The following ST3GAL3 variants were observed in gnomAD, a reference collection of about 807,000 sequenced individuals.
ST3GAL3 encodes CMP-N-acetylneuraminate-beta-1,4-galactoside alpha-2,3-sialyltransferase.
Under a neutral mutation model 50.1 loss-of-function variants are expected in ST3GAL3, and 21 were observed. The observed-to-expected ratio is 0.42, with a 90% confidence interval of 0.30 to 0.60. The LOEUF (loss-of-function observed/expected upper bound fraction) is 0.60, where lower values mean the gene tolerates loss of function less well. ST3GAL3 is among the 20% of genes least tolerant of loss of function. The pLI is 0.19. For synonymous variants in ST3GAL3, 183 were observed against 190.0 expected, an observed-to-expected ratio of 0.96 and a Z score of 0.30; for missense variants, 353 against 489.4, an observed-to-expected ratio of 0.72 and a Z score of 2.63.
chr1:43,794,108 G>GA (rs2058418387), intron 3 of ST3GAL3, among the ~76,000 whole-genome samples: 1 of 147,526 alleles, frequency 6.8e-6, no homozygotes, highest in Non-Finnish European at 1.5e-5. Context: ...AAAAAAGAAG[G>GA]AAAAAAGAGA....
At chr1:43,810,006 A>AAG (rs1290236120) in intron 3 of ST3GAL3, among the ~76,000 whole-genome samples, 1 of 151,204 alleles carries the variant, frequency 6.6e-6, no homozygotes, top group African/African-American at 2.4e-5. Flanking sequence ...AAAAAAAAAA[A>AAG]AAAGAAAGAA....
chr1:43,850,940 C>A, intron 5 of ST3GAL3: 1 of 1,087,202 alleles, frequency 9.2e-7, no homozygotes, highest in Non-Finnish European at 1.4e-6. Context: ...GCCCTCCTTT[C>A]CTGTAGAAGA....
intron 11 of ST3GAL3, among the ~76,000 whole-genome samples, chr1:43,925,989 C>T (rs1278135315): frequency 1.3e-5 from 2 of 152,110 alleles, no homozygotes; most frequent in African/African-American, 4.8e-5. Context: ...AGTGAGTAGA[C>T]GGCACCTACA....
At chr1:43,761,171 G>C (rs1363968036) in intron 2 of ST3GAL3, among the ~76,000 whole-genome samples, 1 of 152,200 alleles carries the variant, frequency 6.6e-6, no homozygotes, top group Admixed American at 6.5e-5. Context: ...AGCTTCAGCA[G>C]TTCATTTCCT....
At chr1:43,763,868 A>G (rs1205875424) in intron 2 of ST3GAL3, among the ~76,000 whole-genome samples, 1 of 152,166 alleles carries the variant, frequency 6.6e-6, no homozygotes, top group East Asian at 1.9e-4. Flanking sequence ...TATACTCCTT[A>G]CAGTGTTAAC....
chr1:43,900,092 A>G (rs938927245), intron 9 of ST3GAL3, among the ~76,000 whole-genome samples: 2 of 151,656 alleles, frequency 1.3e-5, no homozygotes, highest in East Asian at 1.9e-4. Flanking sequence ...ATCACTCCCA[A>G]TCTTTCTACT....
intron 3 of ST3GAL3, among the ~76,000 whole-genome samples, chr1:43,805,278 G>A (rs879516918): frequency 1.9e-4 from 29 of 152,296 alleles, no homozygotes; most frequent in Admixed American, 1.2e-3. Flanking sequence ...TCGTGTCGCT[G>A]AGTTTAGGGA....
At chr1:43,710,282 A>T (rs983979920) in intron 1 of ST3GAL3, among the ~76,000 whole-genome samples, 3 of 152,076 alleles carry the variant, frequency 2.0e-5, no homozygotes, top group African/African-American at 7.2e-5. Context: ...GGGTTTCACC[A>T]TGTTGGCCAG....
In ST3GAL3 at chr1:43,899,208, G is replaced by T. The variant is rs758155830; in HGVS notation, c.502G>T (p.Val168Phe). 6.2e-7 allele frequency: 1 copy of T among 1,614,212 alleles called. No homozygotes were observed. Among genetic ancestry groups the T allele is most frequent in the East Asian group, 2.2e-5 (1 of 44,878 alleles). ...RRCIIVGNGG[V>F]LANKSLGSRI... ...CTGCATCATCGTGGGCAATGGAGGC[G>T]TTCTTGCCAACAAGTCTCTGGGGTC... The change falls in exon 8 of 12, where the codon GTT (valine) becomes TTT (phenylalanine). Residue 168 changes from valine to phenylalanine, a missense_variant. By Grantham distance (50) the Val-to-Phe change is conservative (BLOSUM62 -1). Transcript: ENST00000347631. This position sits in a 1 kb window ranked among gnomAD's most constrained non-coding sequence, Gnocchi z 5.4.
rs147043040 is a variant in ST3GAL3 at position 43,829,483 on chromosome 1, T to A, written c.210-8736T>A. Among the ~76,000 whole-genome samples the A allele has an allele frequency of 9.8e-5, 15 of 152,304 alleles. 1 individual carries two copies. The East Asian group carries it at 2.9e-3, about 29-fold the overall frequency. On this transcript the variant is annotated intron_variant, in intron 4 of 11. Transcript: ENST00000347631. ...CTCATTTCTCTCTTGGACTAGTGCA[T>A]GTCATTCATCTGCATAAAAATCCTT...
intron 5 of ST3GAL3, chr1:43,839,077 G>A (rs960972050): frequency 3.3e-5 from 5 of 152,996 alleles, no homozygotes; most frequent in Admixed American, 2.0e-4. Flanking sequence ...CTCACTGGGG[G>A]AAGGACTTGC....
chr1:43,859,798 G>A (rs1402297623), intron 5 of ST3GAL3, among the ~76,000 whole-genome samples: 1 of 152,150 alleles, frequency 6.6e-6, no homozygotes, highest in Non-Finnish European at 1.5e-5. Flanking sequence ...GTCTCCACTG[G>A]CCTTGCTCCC....
At chr1:43,830,149 C>T (rs72886891) in intron 4 of ST3GAL3, among the ~76,000 whole-genome samples, 1,850 of 151,854 alleles carry the variant, frequency 0.012, 45 homozygotes, top group African/African-American at 0.043. Flanking sequence ...CTTACAACCT[C>T]AGCCTCCTGA....
chr1:43,758,720 C>T (rs1343850439), intron 2 of ST3GAL3, among the ~76,000 whole-genome samples: 1 of 151,930 alleles, frequency 6.6e-6, no homozygotes, highest in Non-Finnish European at 1.5e-5. Context: ...ATGTAAAGTG[C>T]ATAACTTAAA....
chr1:43,906,991 C>G (rs975966061), intron 9 of ST3GAL3, among the ~76,000 whole-genome samples: 1 of 152,204 alleles, frequency 6.6e-6, no homozygotes, highest in Non-Finnish European at 1.5e-5. Context: ...CACCTACCTT[C>G]CTGGTTAGAA....
At chr1:43,710,769 G>A (rs547728809) in intron 1 of ST3GAL3, among the ~76,000 whole-genome samples, 6 of 152,222 alleles carry the variant, frequency 3.9e-5, no homozygotes, top group East Asian at 3.9e-4. Context: ...CATTTGATAC[G>A]GAACTTCCTT....
Position 43,737,487 on chromosome 1 carries a change from T to C in ST3GAL3, c.118+1107T>C, listed in dbSNP as rs896965044. On this transcript the variant is annotated intron_variant, in intron 2 of 11. Coordinates refer to ENST00000347631, the MANE Select transcript of ST3GAL3 (RefSeq NM_006279.5). This position sits in a 1 kb window ranked among gnomAD's most constrained non-coding sequence, Gnocchi z 4.0. ...CCAGTTTTTAAAATATAGTGTTATA[T>C]CCTTAATTTACTGTTTTATATAGAA... 2.6e-5 allele frequency: 4 copies of C among 152,254 alleles called. No individual in the cohort carries two copies. The highest frequency in any genetic ancestry group is 4.4e-5 in the Non-Finnish European group (3 of 68,042). The allele number at this position is 152,254 out of a possible 1,614,324, so 9.4% of individuals were successfully genotyped here.
At chr1:43,878,145 C>T (rs1558692543) in intron 5 of ST3GAL3, among the ~76,000 whole-genome samples, 1 of 152,154 alleles carries the variant, frequency 6.6e-6, no homozygotes, top group Admixed American at 6.5e-5. Flanking sequence ...TCTCTTGTCT[C>T]GTGGCCGCAT....
At chr1:43,756,730 T>G (rs918141422) in intron 2 of ST3GAL3, among the ~76,000 whole-genome samples, 2 of 152,178 alleles carry the variant, frequency 1.3e-5, no homozygotes, top group African/African-American at 4.8e-5. Context: ...CATTCCATGA[T>G]GGTTAGAAGG....
Sources: allele counts gnomAD v4.1 joint callset (sites outside exome capture counted in the v4.1 genomes callset), GRCh38; gene constraint gnomAD v4.1.1; non-coding constraint Gnocchi (gnomAD v3.1); transcripts MANE v1.5; gene names NCBI Gene and HGNC (gene_info 2026-07-23, HGNC 2026-07-21).